DRC3: variants seen among roughly 807,000 people sequenced by gnomAD.
The protein encoded by DRC3 is leucine rich repeat containing 48.
DRC3 carries 45 observed loss-of-function variants against 57.6 expected under a neutral mutation model. That is an observed-to-expected ratio of 0.78 (90% CI 0.62 to 1.00). The LOEUF is 1.00. DRC3 is among the 50% of genes least tolerant of loss of function. The probability of loss-of-function intolerance (pLI) is 0.00; values close to 1 mark genes in which losing one functional copy is unlikely to be tolerated. For missense variants in DRC3, 655 were observed against 675.2 expected (o/e 0.97, Z 0.33); for synonymous variants, 257 against 272.3 (o/e 0.94, Z 0.55).
At chr17:17,987,816 G>T in intron 4 of DRC3, 116 bp from the exon 5 acceptor site, 1 of 1,051,456 alleles carries the variant, frequency 9.5e-7, no homozygotes, top group Non-Finnish European at 1.4e-6. Flanking sequence ...TCAAATTCTG[G>T]CCCTGGCAGC....
intron 2 of DRC3, among the ~76,000 whole-genome samples, chr17:17,977,028 C>T (rs141707898): frequency 7.2e-5 from 11 of 152,316 alleles, no homozygotes; most frequent in Admixed American, 1.3e-4. Context: ...ACATCTCCCA[C>T]GGGGAGGACG....
intron 9 of DRC3, among the ~76,000 whole-genome samples, chr17:18,000,247 A>AGT (rs34029124): frequency 0.23 from 13,595 of 58,356 alleles, 898 homozygotes; most frequent in African/African-American, 0.27. Context: ...CTTTCACGTG[A>AGT]GTGTGTGTGT....
In DRC3 at chr17:18,016,196, G is replaced by T; in HGVS notation, c.1458+1G>T. On this transcript the variant is annotated splice_donor_variant, in intron 13 of 13. Transcript: ENST00000399187. LOFTEE classifies it high-confidence loss of function. Reference sequence around the variant, plus strand: ...TTGGTGTACACGTTTAATAGACAGGGTGAGTCAATCCCAAGCCATCCTAGC... The same window carrying T: ...TTGGTGTACACGTTTAATAGACAGGTTGAGTCAATCCCAAGCCATCCTAGC... The T allele has an allele frequency of 6.2e-7, 1 of 1,613,570 alleles. No homozygotes were observed. The highest frequency in any genetic ancestry group is 1.7e-4 in the Middle Eastern group (1 of 6,060).
chr17:18,016,357 G>A (rs2044363269), intron 13 of DRC3, 162 bp downstream of exon 13: 1 of 909,128 alleles, frequency 1.1e-6, no homozygotes, highest in Admixed American at 2.5e-5. Context: ...ATTGCCCAGA[G>A]ACTTTAAAAC....
chr17:18,013,761 A>C (rs1036870600), intron 12 of DRC3, among the ~76,000 whole-genome samples: 25 of 152,210 alleles, frequency 1.6e-4, no homozygotes, highest in African/African-American at 6.0e-4. Flanking sequence ...ACAATAATAT[A>C]GTTTCAAATA....
chr17:18,003,788 A>G (rs1046085501), intron 9 of DRC3, among the ~76,000 whole-genome samples: 1 of 145,176 alleles, frequency 6.9e-6, no homozygotes, highest in East Asian at 2.1e-4. Context: ...GACTACAGGC[A>G]CCCGCCACCA....
chr17:18,007,589 A>G, intron 12 of DRC3: 2 of 1,459,304 alleles, frequency 1.4e-6, no homozygotes, highest in Middle Eastern at 1.8e-4. Context: ...GCACCAGCAC[A>G]TCCACTGATG....
chr17:17,982,653 C>CA (rs2042757137), intron 3 of DRC3, among the ~76,000 whole-genome samples: 1 of 146,790 alleles, frequency 6.8e-6, no homozygotes, highest in Non-Finnish European at 1.5e-5. Flanking sequence ...TGGCTCACTG[C>CA]AACCTCTGCC....
intron 2 of DRC3, among the ~76,000 whole-genome samples, chr17:17,977,143 G>C (rs1755287761): frequency 6.6e-6 from 1 of 152,240 alleles, no homozygotes. Context: ...GGTGCTCAAG[G>C]AAGAGGAGCT....
intron 3 of DRC3, 144 bp from the exon 4 acceptor site, chr17:17,983,684 C>T (rs2042820972): frequency 5.2e-6 from 3 of 581,132 alleles, no homozygotes. Context: ...GATGCTCAGC[C>T]GACATCTCCA....
At chr17:18,003,214 G>A (rs913238972) in intron 9 of DRC3, among the ~76,000 whole-genome samples, 10 of 152,160 alleles carry the variant, frequency 6.6e-5, no homozygotes, top group East Asian at 3.9e-4. Flanking sequence ...GCTGGGCACA[G>A]TGGCTCACAC....
intron 12 of DRC3, chr17:18,007,602 T>C (rs989408519): frequency 1.5e-5 from 22 of 1,442,406 alleles, no homozygotes; most frequent in Non-Finnish European, 2.0e-5. Context: ...CACTGATGAA[T>C]GGTCACAAAA....
intron 7 of DRC3, 120 bp downstream of exon 7, chr17:17,994,538 C>T (rs909039367): frequency 1.5e-6 from 2 of 1,352,674 alleles, no homozygotes; most frequent in East Asian, 2.5e-5. Context: ...CATGCTCCCT[C>T]CACAGGGCCT....
chr17:17,996,818 T>C (rs1286667449), intron 8 of DRC3, among the ~76,000 whole-genome samples: 2 of 152,168 alleles, frequency 1.3e-5, no homozygotes, highest in Non-Finnish European at 2.9e-5. Context: ...TCAGTTTCCA[T>C]CCCACAGGAT....
rs2042884910 is a variant in DRC3, at chr17:17,984,815, G to C, written c.277+871G>C. Among the ~76,000 whole-genome samples, 3 of 152,116 alleles carry C rather than the reference G, an allele frequency of 2.0e-5. No individual in the cohort carries two copies. The South Asian group carries it at 6.2e-4, about 32-fold the overall frequency. ...CTTCTGGTAATAAGGGCACCCTGGG[G>C]CATCGTGAGCCTTCCAATTTGCCAA... On this transcript the variant is annotated intron_variant, in intron 4 of 13. Coordinates refer to ENST00000399187, the MANE Select transcript of DRC3 (RefSeq NM_031294.4).
Position 18,016,732 on chromosome 17 carries a change from A to G in DRC3, c.*61A>G. On this transcript the variant is annotated 3_prime_UTR_variant, in exon 14 of 14. Coordinates refer to ENST00000399187, the MANE Select transcript of DRC3 (RefSeq NM_031294.4). ...GCACCAGCCCCAGCCAGGAGAAGGA[A>G]GTGCACACGCCTCACCCGCACCTCT... The G allele has an allele frequency of 9.3e-7, 1 of 1,078,552 alleles. No individual in the cohort carries two copies. Among genetic ancestry groups the G allele is most frequent in the Non-Finnish European group, 1.4e-6 (1 of 709,748 alleles). The allele number at this position is 1,078,552 out of a possible 1,614,324, so 66.8% of individuals were successfully genotyped here.
intron 9 of DRC3, 50 bp downstream of exon 9, chr17:17,997,684 C>A: frequency 6.7e-7 from 1 of 1,490,686 alleles, no homozygotes; most frequent in East Asian, 2.4e-5. Context: ...TGTAGGCCCT[C>A]CCTGCTCTTG....
At chr17:17,987,250 T>C (rs200205202) in intron 4 of DRC3, among the ~76,000 whole-genome samples, 26 of 150,586 alleles carry the variant, frequency 1.7e-4, no homozygotes, top group East Asian at 3.9e-4. Context: ...GGAAGGTACT[T>C]TTATTCCCAA....
At chr17:17,991,284 CTTTTTTT>C (rs751138192) in intron 5 of DRC3, among the ~76,000 whole-genome samples, 3 of 74,000 alleles carry the variant, frequency 4.1e-5, no homozygotes, top group Admixed American at 2.1e-4. Flanking sequence ...TGAAGTATTG[CTTTTTTT>C]TTTTTTTTTT....
Sources: gnomAD v4.1 joint callset for allele counts (sites outside exome capture counted in the v4.1 genomes callset) on GRCh38, gnomAD v4.1.1 for gene constraint, MANE v1.5 for transcripts, NCBI Gene and HGNC (gene_info 2026-07-23, HGNC 2026-07-21) for gene names.